Variants in PRDM16 observed in about 807,000 individuals in gnomAD.
The protein encoded by PRDM16 is PR/SET domain 16.
PRDM16 carries 23 observed loss-of-function variants against 110.6 expected under a neutral mutation model. The observed-to-expected ratio is 0.21, with a 90% CI of 0.15 to 0.29. The LOEUF is 0.29. Among genes scored for constraint, PRDM16 ranks in the 10% least tolerant of loss-of-function variants. The pLI, the probability that PRDM16 is intolerant of heterozygous loss-of-function variation, is 1.00. For synonymous variants in PRDM16, 799 were observed against 781.8 expected (o/e 1.02, Z -0.37); for missense variants, 1,615 against 1,794.3 (o/e 0.90, Z 1.81).
chr1:3,071,022 GGTGTGC>G (rs1318595375), intron 1 of PRDM16, among the ~76,000 whole-genome samples: 1 of 152,254 alleles, frequency 6.6e-6, no homozygotes, highest in Non-Finnish European at 1.5e-5. Flanking sequence ...CCGCGCGTGG[GGTGTGC>G]GTGTGCGTGT....
rs1344701182 is a variant in PRDM16, at chr1:3,165,590, C to CT, written c.38-20535_38-20534insT. 2.1e-4 allele frequency among the ~76,000 whole-genome samples: 26 copies of CT among 121,720 alleles called. 7 individuals carry two copies. Among genetic ancestry groups the CT allele is most frequent in the African/African-American group, 6.7e-4 (18 of 26,938 alleles). 79.9% of individuals were successfully genotyped at this position (121,720 alleles called of 152,430 possible). On this transcript the variant is annotated intron_variant, in intron 1 of 16. Transcript: ENST00000270722. ...GCTCAGGGACAGGGACTCACCTGGG[C>CT]CCAGGGACAGGGACTCACCTGGGCT...
intron 3 of PRDM16, among the ~76,000 whole-genome samples, chr1:3,357,682 C>G (rs1039154711): frequency 2.6e-5 from 4 of 152,230 alleles, no homozygotes; most frequent in Non-Finnish European, 4.4e-5. Flanking sequence ...CCCATGGCCG[C>G]GAGCGCCTCT....
Position 3,148,438 on chromosome 1 carries a change from T to G in PRDM16, c.38-37687T>G, listed in dbSNP as rs1305433552. On this transcript the variant is annotated intron_variant, in intron 1 of 16. Coordinates refer to ENST00000270722, the MANE Select transcript of PRDM16 (RefSeq NM_022114.4). The surrounding 1 kb of genome is among the most constrained non-coding windows in gnomAD (Gnocchi z 5.0). ...TCCGGCAGGGCTGGGCTGGGCTGGGTGTCAGGCATTGGGTGCATCCAGCCA... is the reference window on the plus strand; with the variant it reads ...TCCGGCAGGGCTGGGCTGGGCTGGGGGTCAGGCATTGGGTGCATCCAGCCA... 6.6e-6 allele frequency among the ~76,000 whole-genome samples: 1 copy of G among 152,056 alleles called. No homozygotes were observed.
At chr1:3,248,978 CTT>C (rs1639861100) in intron 3 of PRDM16, among the ~76,000 whole-genome samples, 1 of 152,200 alleles carries the variant, frequency 6.6e-6, no homozygotes, top group Non-Finnish European at 1.5e-5. Flanking sequence ...TGCTAAGTGT[CTT>C]TTGTGCAGCA....
intron 2 of PRDM16, among the ~76,000 whole-genome samples, chr1:3,199,298 C>T (rs1638560714): frequency 6.6e-6 from 1 of 152,198 alleles, no homozygotes; most frequent in South Asian, 2.1e-4. Context: ...GTCTCAGGGC[C>T]TGGGGCAGGG....
At chr1:3,313,409 C>G (rs978225814) in intron 3 of PRDM16, among the ~76,000 whole-genome samples, 1 of 152,324 alleles carries the variant, frequency 6.6e-6, no homozygotes, top group Non-Finnish European at 1.5e-5. Flanking sequence ...TTTGACGTCT[C>G]GAGCAGCTTG....
At chr1:3,250,235 G>C (rs923925162) in intron 3 of PRDM16, among the ~76,000 whole-genome samples, 34 of 151,880 alleles carry the variant, frequency 2.2e-4, no homozygotes, top group African/African-American at 6.8e-4. Flanking sequence ...CCTGAGGGAG[G>C]GGCCGCAGCC....
intron 2 of PRDM16, among the ~76,000 whole-genome samples, chr1:3,225,574 G>GCGCGCGCGCA (rs1553149437): frequency 8.9e-5 from 12 of 135,208 alleles, no homozygotes; most frequent in African/African-American, 4.0e-4. Context: ...GTGTGTGTGT[G>GCGCGCGCGCA]CGCGCGCGCA....
Position 3,290,258 on chromosome 1 carries a change from C to T in PRDM16, c.438+46121C>T, listed in dbSNP as rs1034008234. On this transcript the variant is annotated intron_variant, in intron 3 of 16. Coordinates refer to ENST00000270722, the MANE Select transcript of PRDM16 (RefSeq NM_022114.4). The surrounding 1 kb of genome is among the most constrained non-coding windows in gnomAD (Gnocchi z 4.8). ...GGAAGTAGACATGGGAAGGAAGGAGCGACGGGGTGGGAGGGATCTGCCTGC... is the reference window on the plus strand; with the variant it reads ...GGAAGTAGACATGGGAAGGAAGGAGTGACGGGGTGGGAGGGATCTGCCTGC... Among the ~76,000 whole-genome samples, 69 of 152,246 alleles carry T rather than the reference C, an allele frequency of 4.5e-4. No individual in the cohort carries two copies. Among genetic ancestry groups the T allele is most frequent in the Admixed American group, 4.2e-3 (64 of 15,296 alleles).
At chr1:3,105,018 C>T (rs1642620431) in intron 1 of PRDM16, among the ~76,000 whole-genome samples, 1 of 151,134 alleles carries the variant, frequency 6.6e-6, no homozygotes, top group Non-Finnish European at 1.5e-5. Flanking sequence ...GGAGGATCTG[C>T]TGTCCTCTCT....
At chr1:3,296,027 G>C (rs2500290) in intron 3 of PRDM16, among the ~76,000 whole-genome samples, 75,502 of 152,000 alleles carry the variant, frequency 0.5, 19,813 homozygotes, top group East Asian at 0.67. Flanking sequence ...CTCAGCAACC[G>C]CACTCCCATC....
intron 2 of PRDM16, among the ~76,000 whole-genome samples, chr1:3,195,125 G>C (rs1053488189): frequency 6.6e-6 from 1 of 152,190 alleles, no homozygotes. Context: ...GGAGAGAGAC[G>C]GGGCCCTGTG....
At chr1:3,420,775 T>C (rs1340414823) in intron 12 of PRDM16, among the ~76,000 whole-genome samples, 1 of 152,116 alleles carries the variant, frequency 6.6e-6, no homozygotes, top group African/African-American at 2.4e-5. Context: ...CATATAGGCT[T>C]TGCGGGATTT....
chr1:3,399,881 C>G (rs1643439346), intron 5 of PRDM16, among the ~76,000 whole-genome samples: 1 of 152,154 alleles, frequency 6.6e-6, no homozygotes, highest in Non-Finnish European at 1.5e-5. Context: ...TGGCTGGAGG[C>G]CCCATCTCAG....
At chr1:3,224,383 T>C (rs1255883804) in intron 2 of PRDM16, among the ~76,000 whole-genome samples, 2 of 152,178 alleles carry the variant, frequency 1.3e-5, no homozygotes, top group East Asian at 1.9e-4. Flanking sequence ...TACCCAGTAG[T>C]GTCTCCCTCT....
intron 3 of PRDM16, among the ~76,000 whole-genome samples, chr1:3,312,755 G>A (rs1412923775): frequency 6.6e-6 from 1 of 152,252 alleles, no homozygotes; most frequent in Non-Finnish European, 1.5e-5. Context: ...TGTTGGCTGA[G>A]GCGGTATTTT....
chr1:3,386,170 C>T (rs190960838), intron 4 of PRDM16, among the ~76,000 whole-genome samples: 186 of 152,288 alleles, frequency 1.2e-3, no homozygotes, highest in Non-Finnish European at 2.2e-3. Context: ...CCGGGGTCCC[C>T]GGCCCCTTAC....
intron 3 of PRDM16, among the ~76,000 whole-genome samples, chr1:3,254,502 C>T (rs1249460021): frequency 6.6e-6 from 1 of 152,028 alleles, no homozygotes; most frequent in African/African-American, 2.4e-5. Context: ...CACAAGCATT[C>T]TTATATACCA....
Position 3,411,487 on chromosome 1 carries a change from G to T in PRDM16, c.1290G>T (p.Gln430His). ...AGATCAAGTGCAAGGACTGTGGCCA[G>T]ATGTTCAGCACTACCTCCTCCCTCA... ...RTQIKCKDCG[Q>H]MFSTTSSLNK... The change falls in exon 9 of 17, where the codon CAG becomes CAT. Residue 430 changes from glutamine to histidine, a missense_variant. Around this residue, in one of 5 missense-constraint regions of PRDM16, gnomAD observed 772 missense variants for 748.3 expected, o/e 1.03. Transcript: ENST00000270722. 6.2e-7 allele frequency: 1 copy of T among 1,614,218 alleles called. No homozygotes were observed. Among genetic ancestry groups the T allele is most frequent in the Non-Finnish European group, 8.5e-7 (1 of 1,180,040 alleles).
Sources: allele counts gnomAD v4.1 joint callset (sites outside exome capture counted in the v4.1 genomes callset), GRCh38; gene constraint gnomAD v4.1.1; regional missense constraint gnomAD v4.1.1; non-coding constraint Gnocchi (gnomAD v3.1); transcripts MANE v1.5; gene names NCBI Gene and HGNC (gene_info 2026-07-23, HGNC 2026-07-21).